BMPR1B: variants seen among roughly 807,000 people sequenced by gnomAD.
BMPR1B encodes the protein bone morphogenetic protein receptor type-1B.
Under a neutral mutation model 59.1 loss-of-function variants are expected in BMPR1B, and 12 were observed. That is an observed-to-expected ratio of 0.20 (90% CI 0.13 to 0.33). The LOEUF is 0.33. Among genes scored for constraint, BMPR1B ranks in the 10% least tolerant of loss-of-function variants. The pLI is 1.00. For synonymous variants in BMPR1B, 237 were observed against 207.3 expected, an observed-to-expected ratio of 1.14 and a Z score of -1.23; for missense variants, 550 against 610.9, an observed-to-expected ratio of 0.90 and a Z score of 1.05.
chr4:95,096,866 A>G (rs1281484096), intron 3 of BMPR1B, among the ~76,000 whole-genome samples: 2 of 141,754 alleles, frequency 1.4e-5, no homozygotes, highest in Non-Finnish European at 3.0e-5. Context: ...ATATATAACT[A>G]TAGTTATATA....
intron 2 of BMPR1B, among the ~76,000 whole-genome samples, chr4:94,914,056 G>T (rs1460546830): frequency 6.6e-6 from 1 of 152,108 alleles, no homozygotes; most frequent in Admixed American, 6.6e-5. Context: ...TAGATAAAAT[G>T]CTTTGAGCAC....
Position 94,837,765 on chromosome 4 carries a change from A to G in BMPR1B, c.-182-38066A>G, listed in dbSNP as rs565790471. On this transcript the variant is annotated intron_variant, in intron 1 of 12. Coordinates refer to ENST00000515059, the MANE Select transcript of BMPR1B (RefSeq NM_001203.3). Reference sequence around the variant, plus strand: ...TACCCTTTATTTCCTTCTCCTGCCTAATTGCCCTGGCCAGAACTTCCAACA... The same window carrying G: ...TACCCTTTATTTCCTTCTCCTGCCTGATTGCCCTGGCCAGAACTTCCAACA... Among the ~76,000 whole-genome samples the G allele has an allele frequency of 1.8e-4, 26 of 142,100 alleles. No individual in the cohort carries two copies. The South Asian group carries it at 4.0e-3, about 22-fold the overall frequency. The allele number at this position is 142,100 out of a possible 152,430, so 93.2% of individuals were successfully genotyped here.
intron 3 of BMPR1B, among the ~76,000 whole-genome samples, chr4:95,079,204 A>G (rs570776212): frequency 4.3e-4 from 66 of 152,352 alleles, no homozygotes; most frequent in African/African-American, 1.5e-3. Flanking sequence ...AATACACACA[A>G]TTGAGATAGG....
chr4:95,006,542 AT>A (rs200984246), intron 3 of BMPR1B, among the ~76,000 whole-genome samples: 31,751 of 135,812 alleles, frequency 0.23, 3,975 homozygotes, highest in African/African-American at 0.4. Flanking sequence ...ATACCTTCTG[AT>A]TTTTTTTTTT....
chr4:95,139,532 G>T (rs1734058597), intron 10 of BMPR1B, among the ~76,000 whole-genome samples: 1 of 152,222 alleles, frequency 6.6e-6, no homozygotes, highest in Non-Finnish European at 1.5e-5. Context: ...ACAGAGGCAG[G>T]CAGGCGTCCT....
chr4:95,141,376 C>T (rs1327136453), intron 10 of BMPR1B, among the ~76,000 whole-genome samples: 1 of 152,114 alleles, frequency 6.6e-6, no homozygotes, highest in Non-Finnish European at 1.5e-5. Flanking sequence ...ATGAGAACTT[C>T]CTGTGAGACA....
intron 3 of BMPR1B, among the ~76,000 whole-genome samples, chr4:95,056,944 A>G (rs1350160214): frequency 6.6e-6 from 1 of 152,238 alleles, no homozygotes; most frequent in African/African-American, 2.4e-5. Context: ...TTCCTTAACA[A>G]TCTAAATTAA....
intron 2 of BMPR1B, among the ~76,000 whole-genome samples, chr4:94,967,569 A>G (rs1730599994): frequency 6.6e-6 from 1 of 150,818 alleles, no homozygotes; most frequent in African/African-American, 2.4e-5. Context: ...TGCAGCCTCT[A>G]CCTCCTGGGT....
intron 2 of BMPR1B, among the ~76,000 whole-genome samples, chr4:94,938,205 A>G (rs960751038): frequency 1.3e-5 from 2 of 152,066 alleles, no homozygotes; most frequent in African/African-American, 4.8e-5. Flanking sequence ...TGTTTTGTAT[A>G]TGGTGTCCAT....
chr4:95,039,208 C>T (rs1725473169), intron 3 of BMPR1B, among the ~76,000 whole-genome samples: 1 of 152,140 alleles, frequency 6.6e-6, no homozygotes, highest in Non-Finnish European at 1.5e-5. Context: ...CACTAAAGTT[C>T]GTCCTCTTTA....
chr4:94,840,795 G>A (rs1420945520), intron 1 of BMPR1B, among the ~76,000 whole-genome samples: 2,294 of 130,312 alleles, frequency 0.018, 29 homozygotes, highest in Non-Finnish European at 0.02. Flanking sequence ...GCTTTGTTCC[G>A]TTGCTGGTGA....
intron 3 of BMPR1B, among the ~76,000 whole-genome samples, chr4:95,054,214 C>T (rs932897882): frequency 2.0e-5 from 3 of 152,094 alleles, no homozygotes; most frequent in Non-Finnish European, 2.9e-5. Context: ...GCACTTCCAC[C>T]TCAAGTGGCA....
chr4:94,803,687 T>TTTGCAGAGCTC (rs1723495005), intron 1 of BMPR1B, among the ~76,000 whole-genome samples: 1 of 152,144 alleles, frequency 6.6e-6, no homozygotes, highest in African/African-American at 2.4e-5. Context: ...CATAATTTGA[T>TTTGCAGAGCTC]TTGCAGAGCT....
chr4:94,931,427 T>C (rs1460454838), intron 2 of BMPR1B, among the ~76,000 whole-genome samples: 1 of 151,986 alleles, frequency 6.6e-6, no homozygotes, highest in Non-Finnish European at 1.5e-5. Flanking sequence ...CAGGATCTTT[T>C]TAAGTGGTTT....
intron 1 of BMPR1B, among the ~76,000 whole-genome samples, chr4:94,845,835 A>G (rs1725303452): frequency 6.6e-6 from 1 of 152,214 alleles, no homozygotes; most frequent in Non-Finnish European, 1.5e-5. Context: ...GTATCCTTTA[A>G]GAAGAAATAG....
At chr4:95,081,344 GAAA>G (rs1729125405) in intron 3 of BMPR1B, among the ~76,000 whole-genome samples, 1 of 152,116 alleles carries the variant, frequency 6.6e-6, no homozygotes, top group Non-Finnish European at 1.5e-5. Context: ...ATTTTTACTA[GAAA>G]GAATGACTGA....
At position 95,018,394 on chromosome 4, in the gene BMPR1B, G is replaced by C. The variant is rs558123776; in HGVS notation, c.-18+22260G>C. On this transcript the variant is annotated intron_variant, in intron 3 of 12. Coordinates refer to ENST00000515059, the MANE Select transcript of BMPR1B (RefSeq NM_001203.3). ...ATAATATTTCCAGAAAACAAATAAT[G>C]AAGCCATTTACTCTACTTGCTTTTT... is the stretch of plus-strand genomic sequence containing the variant. Among the ~76,000 whole-genome samples, 169 of 152,220 alleles carry C rather than the reference G, an allele frequency of 1.1e-3. 1 individual carries two copies. The highest frequency in any genetic ancestry group is 1.2e-4 in the Non-Finnish European group (8 of 67,996).
intron 1 of BMPR1B, among the ~76,000 whole-genome samples, chr4:94,796,433 A>G (rs939250643): frequency 6.6e-6 from 1 of 152,230 alleles, no homozygotes. Flanking sequence ...ATGTTTCTGA[A>G]TAGCATGGAC....
At chr4:94,945,368 A>G (rs145828166) in intron 2 of BMPR1B, among the ~76,000 whole-genome samples, 3,400 of 152,324 alleles carry the variant, frequency 0.022, 59 homozygotes, top group Middle Eastern at 0.041. Context: ...TAATATGATG[A>G]TGGGAAAAAC....
Sources: allele counts gnomAD v4.1 joint callset (sites outside exome capture counted in the v4.1 genomes callset), GRCh38; gene constraint gnomAD v4.1.1; transcripts MANE v1.5; gene names NCBI Gene and HGNC (gene_info 2026-07-23, HGNC 2026-07-21).